Variants in TTC7B observed in about 807,000 individuals in gnomAD.
The protein encoded by TTC7B is tetratricopeptide repeat protein 7B.
In TTC7B, 28 loss-of-function variants were observed where a neutral mutation model predicts 106.8. The observed-to-expected ratio is 0.26, with a 90% CI of 0.19 to 0.36. The LOEUF (loss-of-function observed/expected upper bound fraction) is 0.36. Among genes scored for constraint, TTC7B ranks in the 10% least tolerant of loss-of-function variants. The probability of loss-of-function intolerance (pLI) is 1.00; values close to 1 mark genes in which losing one functional copy is unlikely to be tolerated. For missense variants in TTC7B, 862 were observed against 1,076.4 expected, an observed-to-expected ratio of 0.80 and a Z score of 2.79; for synonymous variants, 405 against 430.6, an observed-to-expected ratio of 0.94 and a Z score of 0.74.
intron 16 of TTC7B, among the ~76,000 whole-genome samples, chr14:90,615,955 CTGAAGGAACCTTCAGGAAA>C (rs1459136821): frequency 6.6e-6 from 1 of 152,150 alleles, no homozygotes; most frequent in Admixed American, 6.5e-5. Flanking sequence ...CACTCTGGCC[CTGAAGGAACCTTCAGGAAA>C]TGGAGGAAGT....
chr14:90,815,887 A>T (rs1278773954), intron 1 of TTC7B, among the ~76,000 whole-genome samples: 1 of 150,240 alleles, frequency 6.7e-6, no homozygotes, highest in South Asian at 2.1e-4. Context: ...GGAGCAGCGG[A>T]CTCGCTGAGA....
intron 5 of TTC7B, among the ~76,000 whole-genome samples, chr14:90,703,219 G>T (rs556261502): frequency 6.6e-6 from 1 of 152,144 alleles, no homozygotes; most frequent in Non-Finnish European, 1.5e-5. Flanking sequence ...AACAATATTC[G>T]TTTTTAATAG....
intron 3 of TTC7B, among the ~76,000 whole-genome samples, chr14:90,772,021 T>C (rs551049814): frequency 1.8e-4 from 26 of 147,080 alleles, no homozygotes; most frequent in African/African-American, 6.4e-4. Flanking sequence ...TAAAGAAATA[T>C]ATATATATTT....
At chr14:90,618,138 A>T in intron 15 of TTC7B, 93 bp from the exon 16 acceptor site, 1 of 862,394 alleles carries the variant, frequency 1.2e-6, no homozygotes, top group Non-Finnish European at 1.9e-6. Flanking sequence ...ACCCAGAAGC[A>T]GCTGTACTCA....
chr14:90,564,362 C>T (rs1274151603), intron 19 of TTC7B, among the ~76,000 whole-genome samples: 2 of 152,138 alleles, frequency 1.3e-5, no homozygotes, highest in African/African-American at 2.4e-5. Flanking sequence ...ACAGGTGTGC[C>T]ATCATCCAGG....
At chr14:90,776,619 A>G (rs957945201) in intron 3 of TTC7B, among the ~76,000 whole-genome samples, 24 of 152,168 alleles carry the variant, frequency 1.6e-4, no homozygotes, top group African/African-American at 5.3e-4. Context: ...AGGTAGAGGA[A>G]CCAAGGGCAG....
chr14:90,684,691 A>C (rs1224905736), intron 7 of TTC7B, among the ~76,000 whole-genome samples: 1 of 152,232 alleles, frequency 6.6e-6, no homozygotes. Context: ...TTATTGTGAC[A>C]GAAGTCAGGA....
At chr14:90,640,968 A>G (rs959870235) in intron 15 of TTC7B, among the ~76,000 whole-genome samples, 7 of 152,204 alleles carry the variant, frequency 4.6e-5, no homozygotes, top group African/African-American at 1.4e-4. Context: ...CTTTCCTTCC[A>G]TACTGGACTA....
At position 90,808,947 on chromosome 14, in the gene TTC7B, C is replaced by T. The variant is rs552411814; in HGVS notation, c.121+7228G>A. Reference sequence around the variant, plus strand: ...TAAGTAAGAGGTGTACCAGTTAGAACGCCTTCAGCAGCCAGTAACGACCAA... The same window carrying T: ...TAAGTAAGAGGTGTACCAGTTAGAATGCCTTCAGCAGCCAGTAACGACCAA... On this transcript the variant is annotated intron_variant, in intron 1 of 19. Transcript: ENST00000328459. This position sits in a 1 kb window ranked among gnomAD's most constrained non-coding sequence, Gnocchi z 4.2. 1.3e-5 allele frequency among the ~76,000 whole-genome samples: 2 copies of T among 152,324 alleles called. No individual in the cohort carries two copies. Among genetic ancestry groups the T allele is most frequent in the East Asian group, 1.9e-4 (1 of 5,174 alleles).
intron 18 of TTC7B, among the ~76,000 whole-genome samples, chr14:90,592,257 T>A (rs1476029958): frequency 6.6e-6 from 1 of 152,148 alleles, no homozygotes; most frequent in Non-Finnish European, 1.5e-5. Context: ...CACCACACAC[T>A]GTAAGAGTCA....
chr14:90,588,904 A>AAAAAAAAC (rs1566785775), intron 18 of TTC7B, among the ~76,000 whole-genome samples: 1 of 148,904 alleles, frequency 6.7e-6, no homozygotes. Context: ...AAAAAAAAAA[A>AAAAAAAAC]AACCCTTGGA....
chr14:90,767,039 A>G, intron 3 of TTC7B: 2 of 834,530 alleles, frequency 2.4e-6, no homozygotes, highest in Non-Finnish European at 3.6e-6. Flanking sequence ...AAAAAAAAAA[A>G]AAAAAAGAAA....
At chr14:90,722,468 A>G (rs575203163) in intron 5 of TTC7B, among the ~76,000 whole-genome samples, 2 of 152,292 alleles carry the variant, frequency 1.3e-5, no homozygotes, top group South Asian at 4.1e-4. Flanking sequence ...TGGCTTCTCC[A>G]CACCTAGAGA....
chr14:90,767,958 A>G lies in TTC7B; in HGVS notation c.445+12780T>C, dbSNP rs570156150. On this transcript the variant is annotated intron_variant, in intron 3 of 19. Transcript: ENST00000328459. ...TTTCAGCTCCAGAATATAAACATCC[A>G]AGAAGCTTAACAAACTCCAAATAAA... Among the ~76,000 whole-genome samples the G allele has an allele frequency of 4.6e-5, 7 of 152,356 alleles. No homozygotes were observed. The South Asian group carries it at 1.5e-3, about 32-fold the overall frequency.
intron 4 of TTC7B, among the ~76,000 whole-genome samples, chr14:90,741,328 C>T (rs1350962915): frequency 1.3e-5 from 2 of 152,344 alleles, no homozygotes; most frequent in East Asian, 3.9e-4. Context: ...GGTCACGACA[C>T]TCCTAACTGT....
At chr14:90,614,942 C>G (rs1356603917) in intron 16 of TTC7B, among the ~76,000 whole-genome samples, 2 of 152,130 alleles carry the variant, frequency 1.3e-5, no homozygotes, top group East Asian at 1.9e-4. Context: ...ACTGAGGGAG[C>G]CTTACACTTC....
At chr14:90,751,978 G>C (rs944485240) in intron 3 of TTC7B, among the ~76,000 whole-genome samples, 1 of 152,276 alleles carries the variant, frequency 6.6e-6, no homozygotes, top group East Asian at 1.9e-4. Flanking sequence ...TAATGTCCTA[G>C]AGGGGCAACA....
At chr14:90,552,610 G>A (rs773254204) in intron 19 of TTC7B, among the ~76,000 whole-genome samples, 1 of 152,182 alleles carries the variant, frequency 6.6e-6, no homozygotes, top group Admixed American at 6.5e-5. Context: ...CTGACGTGCT[G>A]GTCCAGGAAC....
chr14:90,578,090 G>A lies in TTC7B; in HGVS notation c.2310+16C>T, dbSNP rs549197851. ...CCATGCCAGAGTAGGGGCCACCGCC[G>A]GGCTCGTGGACTCACCAGTCGCTGC... On this transcript the variant is annotated intron_variant, in intron 19 of 19. Transcript: ENST00000328459. The surrounding 1 kb of genome is among the most constrained non-coding windows in gnomAD (Gnocchi z 4.7). 1.0e-5 allele frequency: 16 copies of A among 1,598,232 alleles called. No homozygotes were observed. The highest frequency in any genetic ancestry group is 6.8e-5 in the East Asian group (3 of 44,382).
Sources: gnomAD v4.1 joint callset for allele counts (sites outside exome capture counted in the v4.1 genomes callset) on GRCh38, gnomAD v4.1.1 for gene constraint, Gnocchi (gnomAD v3.1) non-coding constraint, MANE v1.5 for transcripts, NCBI Gene and HGNC (gene_info 2026-07-23, HGNC 2026-07-21) for gene names.